TFAP2E: variants seen among roughly 807,000 people sequenced by gnomAD.
TFAP2E encodes the protein transcription factor AP-2 epsilon.
A neutral mutation model predicts 37.9 loss-of-function variants in TFAP2E; 30 were observed. The ratio of observed to expected loss-of-function variants is 0.79; its 90% CI spans 0.59 to 1.07. TFAP2E has a LOEUF of 1.07. TFAP2E is among the 50% of genes least tolerant of loss of function. TFAP2E has a pLI of 0.00. For synonymous variants in TFAP2E, 318 were observed against 295.8 expected, an observed-to-expected ratio of 1.08 and a Z score of -0.77; for missense variants, 567 against 637.9, an observed-to-expected ratio of 0.89 and a Z score of 1.20.
chr1:35,573,803 A>G lies in TFAP2E; in HGVS notation c.28-124A>G. 1 of 1,377,154 alleles carries G rather than the reference A, an allele frequency of 7.3e-7. No homozygotes were observed. The highest frequency in any genetic ancestry group is 9.4e-7 in the Non-Finnish European group (1 of 1,060,392). 85.3% of individuals were successfully genotyped at this position (1,377,154 alleles called of 1,614,324 possible). A position where few individuals can be genotyped will look rare whatever the true frequency, so the allele number is the denominator to read the frequency against. ...TGCGCCCGCGGGTGGCTCGGAAATAAACCTCGGGCCCCAAGAAACGGGAGG... is the reference window on the plus strand; with the variant it reads ...TGCGCCCGCGGGTGGCTCGGAAATAGACCTCGGGCCCCAAGAAACGGGAGG... On this transcript the variant is annotated intron_variant, in intron 1 of 6. Transcript: ENST00000373235. The surrounding 1 kb of genome is among the most constrained non-coding windows in gnomAD (Gnocchi z 5.9).
chr1:35,590,801 A>C lies in TFAP2E; in HGVS notation c.1046+26A>C, dbSNP rs1466524726. ...GTGAGTGAGGGCACCCTGCACAGGCACACGTGGGTGCCATGCACAGACAGA... is the reference window on the plus strand; with the variant it reads ...GTGAGTGAGGGCACCCTGCACAGGCCCACGTGGGTGCCATGCACAGACAGA... On this transcript the variant is annotated intron_variant, in intron 6 of 6. Coordinates refer to ENST00000373235, the MANE Select transcript of TFAP2E (RefSeq NM_178548.4). The surrounding 1 kb of genome is among the most constrained non-coding windows in gnomAD (Gnocchi z 6.2). 1 of 1,395,236 alleles carries C rather than the reference A, an allele frequency of 7.2e-7. No homozygotes were observed. The highest frequency in any genetic ancestry group is 2.6e-5 in the East Asian group (1 of 38,030). The allele number at this position is 1,395,236 out of a possible 1,614,324, so 86.4% of individuals were successfully genotyped here.
At chr1:35,582,082 G>A (rs1329245716) in intron 3 of TFAP2E, among the ~76,000 whole-genome samples, 1 of 151,782 alleles carries the variant, frequency 6.6e-6, no homozygotes, top group Non-Finnish European at 1.5e-5. Context: ...CACCACGTTG[G>A]ACAGGCTGGC....
chr1:35,581,743 T>A (rs1649357322), intron 3 of TFAP2E, among the ~76,000 whole-genome samples: 1 of 151,834 alleles, frequency 6.6e-6, no homozygotes, highest in South Asian at 2.1e-4. Flanking sequence ...CGGCTAATTT[T>A]GTTTTTTTAG....
intron 3 of TFAP2E, among the ~76,000 whole-genome samples, chr1:35,575,258 G>C (rs535031536): frequency 6.6e-6 from 1 of 152,358 alleles, no homozygotes; most frequent in East Asian, 1.9e-4. Flanking sequence ...CCCCGCCGAG[G>C]GGGAGGGCAC....
chr1:35,592,423 A>G (rs1030879334), intron 6 of TFAP2E, among the ~76,000 whole-genome samples: 1 of 152,218 alleles, frequency 6.6e-6, no homozygotes, highest in East Asian at 1.9e-4. Flanking sequence ...ATTGAGACAG[A>G]ATCTTGTTCT....
intron 3 of TFAP2E, among the ~76,000 whole-genome samples, chr1:35,584,543 T>G (rs1033634211): frequency 4.7e-5 from 7 of 150,034 alleles, no homozygotes; most frequent in African/African-American, 1.8e-4. Context: ...ATCAATTTTT[T>G]GTTTTTGTTT....
In TFAP2E at chr1:35,588,434, G is replaced by A. The variant is rs375530372; in HGVS notation, c.667G>A (p.Gly223Ser). 2.4e-5 allele frequency: 38 copies of A among 1,611,606 alleles called. No homozygotes were observed. The highest frequency in any genetic ancestry group is 5.3e-5 in the African/African-American group (4 of 74,918). Residue 223 changes from glycine to serine, a missense_variant, in exon 4 of 7, where the codon GGC becomes AGC. Physicochemically the swap from Gly to Ser is moderately conservative, Grantham distance 56. Coordinates refer to ENST00000373235, the MANE Select transcript of TFAP2E (RefSeq NM_178548.4). This position sits in a 1 kb window ranked among gnomAD's most constrained non-coding sequence, Gnocchi z 5.1. Reference protein sequence around the residue: ...NPGEVFCSVPGRLSLLSSTSK... With the variant: ...NPGEVFCSVPSRLSLLSSTSK... Reference sequence around the variant, plus strand: ...TGGTGAGGTCTTCTGCTCCGTGCCCGGCCGGCTTTCACTGCTCAGCTCAAC... The same window carrying A: ...TGGTGAGGTCTTCTGCTCCGTGCCCAGCCGGCTTTCACTGCTCAGCTCAAC...
Position 35,586,217 on chromosome 1 carries a change from T to C in TFAP2E, c.563-2113T>C, listed in dbSNP as rs573923049. ...GGTGAAGGAGGCCATTGTAACATGA[T>C]GGTTAAAGCTGTGAACTCTGGAGTC... On this transcript the variant is annotated intron_variant, in intron 3 of 6. Transcript: ENST00000373235. Among the ~76,000 whole-genome samples, 24 of 152,336 alleles carry C rather than the reference T, an allele frequency of 1.6e-4. No individual in the cohort carries two copies. The South Asian group carries it at 4.6e-3, about 29-fold the overall frequency.
Position 35,590,006 on chromosome 1 carries a change from C to A in TFAP2E, c.862C>A (p.Arg288Ser). ...TGGGCTCAACCTGCCAGCTGGCCGT[C>A]GCAAGGCCGCCAATGTGACGCTGCT... ...KIGLNLPAGR[R>S]KAANVTLLTS... The change falls in exon 5 of 7, where the codon CGC becomes AGC. Residue 288 changes from arginine to serine, a missense_variant. Physicochemically the swap from Arg to Ser is moderately radical, Grantham distance 110. This residue lies in a region of TFAP2E where 252 missense variants were observed against 302.6 expected (regional missense o/e 0.83). Coordinates refer to ENST00000373235, the MANE Select transcript of TFAP2E (RefSeq NM_178548.4). This position sits in a 1 kb window ranked among gnomAD's most constrained non-coding sequence, Gnocchi z 6.2. The A allele has an allele frequency of 6.2e-7, 1 of 1,614,070 alleles. No homozygotes were observed. The highest frequency in any genetic ancestry group is 1.1e-5 in the South Asian group (1 of 91,054).
At chr1:35,587,123 T>C (rs1200759045) in intron 3 of TFAP2E, among the ~76,000 whole-genome samples, 4 of 152,180 alleles carry the variant, frequency 2.6e-5, no homozygotes, top group African/African-American at 9.7e-5. Flanking sequence ...CAGTAGCTGT[T>C]AGTCCCAGAC....
Position 35,574,333 on chromosome 1 carries a change from A to G in TFAP2E, c.434A>G (p.Asp145Gly). The G allele has an allele frequency of 6.9e-7, 1 of 1,441,764 alleles. No homozygotes were observed. Among genetic ancestry groups the G allele is most frequent in the Non-Finnish European group, 9.0e-7 (1 of 1,107,766 alleles). 89.3% of individuals were successfully genotyped at this position (1,441,764 alleles called of 1,614,324 possible). Residue 145 changes from aspartate to glycine, a missense_variant, in exon 2 of 7, where the codon GAC becomes GGC. This residue lies in a region of TFAP2E where 312 missense variants were observed against 317.4 expected (regional missense o/e 0.98). Transcript: ENST00000373235. ...CCCCGGCTCCTGCACGGCCTGGCCGACGGCGCGCACGGCCTGGCAGACGCA... is the reference window on the plus strand; with the variant it reads ...CCCCGGCTCCTGCACGGCCTGGCCGGCGGCGCGCACGGCCTGGCAGACGCA... ...AVPRLLHGLADGAHGLADAPL... is the reference protein window; with the variant it reads ...AVPRLLHGLAGGAHGLADAPL...
Position 35,582,099 on chromosome 1 carries a change from C to T in TFAP2E, c.563-6231C>T, listed in dbSNP as rs897570725. On this transcript the variant is annotated intron_variant, in intron 3 of 6. Transcript: ENST00000373235. ...CCACGTTGGACAGGCTGGCTGGTCT[C>T]GAACTCCTGATCTCATGATCCATCC... Among the ~76,000 whole-genome samples, 6 of 151,844 alleles carry T rather than the reference C, an allele frequency of 4.0e-5. No individual in the cohort carries two copies. The South Asian group carries it at 8.3e-4, about 21-fold the overall frequency.
intron 3 of TFAP2E, among the ~76,000 whole-genome samples, chr1:35,582,103 C>T (rs1024342428): frequency 3.9e-5 from 6 of 152,098 alleles, no homozygotes; most frequent in Non-Finnish European, 8.8e-5. Flanking sequence ...TGGTCTCGAA[C>T]TCCTGATCTC....
Position 35,595,075 on chromosome 1 carries a change from A to G in TFAP2E, c.*399A>G. On this transcript the variant is annotated 3_prime_UTR_variant, in exon 7 of 7. Coordinates refer to ENST00000373235, the MANE Select transcript of TFAP2E (RefSeq NM_178548.4). ...GGCAGGAGGAAAATTGATAAATCAG[A>G]GGTGCTACTGAGGAGTTGGTGCCCC... 3.8e-6 allele frequency: 1 copy of G among 259,790 alleles called. No individual in the cohort carries two copies. Among genetic ancestry groups the G allele is most frequent in the East Asian group, 1.3e-4 (1 of 7,638 alleles). The allele number at this position is 259,790 out of a possible 1,614,324, so 16.1% of individuals were successfully genotyped here. A position where few individuals can be genotyped will look rare whatever the true frequency, so the allele number is the denominator to read the frequency against.
At chr1:35,580,531 C>T (rs1391846170) in intron 3 of TFAP2E, among the ~76,000 whole-genome samples, 5 of 152,010 alleles carry the variant, frequency 3.3e-5, no homozygotes, top group South Asian at 2.1e-4. Context: ...GAGGCCGAGG[C>T]GGGTGGATCA....
intron 3 of TFAP2E, among the ~76,000 whole-genome samples, chr1:35,582,433 CT>C (rs1214043672): frequency 6.7e-6 from 1 of 148,526 alleles, no homozygotes; most frequent in African/African-American, 2.5e-5. Flanking sequence ...AAAATATTTT[CT>C]TCCAGTTTGT....
At chr1:35,576,928 CGCGGGACCCCAGCGCCA>C (rs142892241) in intron 3 of TFAP2E, among the ~76,000 whole-genome samples, 1,221 of 106,618 alleles carry the variant, frequency 0.011, 4 homozygotes, top group Admixed American at 0.014. Flanking sequence ...CGTGCACAAC[CGCGGGACCCCAGCGCCA>C]GCGGGACCCC....
At chr1:35,584,885 T>A (rs966971454) in intron 3 of TFAP2E, among the ~76,000 whole-genome samples, 14 of 152,194 alleles carry the variant, frequency 9.2e-5, no homozygotes, top group African/African-American at 3.4e-4. Flanking sequence ...AATTTTTTTA[T>A]ACATACAGTA....
intron 3 of TFAP2E, among the ~76,000 whole-genome samples, chr1:35,586,370 A>C (rs1649481126): frequency 6.6e-6 from 1 of 152,132 alleles, no homozygotes; most frequent in South Asian, 2.1e-4. Flanking sequence ...AGGTGACATC[A>C]TTTTGTCTAG....
Sources: allele counts gnomAD v4.1 joint callset (sites outside exome capture counted in the v4.1 genomes callset), GRCh38; gene constraint gnomAD v4.1.1; regional missense constraint gnomAD v4.1.1; non-coding constraint Gnocchi (gnomAD v3.1); transcripts MANE v1.5; gene names NCBI Gene and HGNC (gene_info 2026-07-23, HGNC 2026-07-21).